The following SCFD2 variants were observed in gnomAD, a reference collection of about 807,000 sequenced individuals.
SCFD2 encodes sec1 family domain-containing protein 2.
Under a neutral mutation model 58.9 loss-of-function variants are expected in SCFD2, and 54 were observed. The ratio of observed to expected loss-of-function variants is 0.92; its 90% CI spans 0.74 to 1.15. The LOEUF (loss-of-function observed/expected upper bound fraction) is 1.15. Among genes scored for constraint, SCFD2 ranks in the 50% most tolerant of loss-of-function variants. The pLI is 0.00. For missense variants in SCFD2, 805 were observed against 836.6 expected, an observed-to-expected ratio of 0.96 and a Z score of 0.47; for synonymous variants, 321 against 335.9, an observed-to-expected ratio of 0.96 and a Z score of 0.49.
chr4:53,045,188 T>C (rs1035406162), intron 5 of SCFD2, among the ~76,000 whole-genome samples: 2 of 152,204 alleles, frequency 1.3e-5, no homozygotes, highest in African/African-American at 4.8e-5. Flanking sequence ...TATAGGATTT[T>C]ACTGTTTCCT....
At chr4:53,031,550 C>T (rs569296901) in intron 5 of SCFD2, among the ~76,000 whole-genome samples, 2 of 152,218 alleles carry the variant, frequency 1.3e-5, no homozygotes, top group South Asian at 2.1e-4. Flanking sequence ...AAAGTTTAGA[C>T]GAACTGCCCA....
chr4:52,896,942 C>A (rs1719031449), intron 7 of SCFD2, among the ~76,000 whole-genome samples: 1 of 152,100 alleles, frequency 6.6e-6, no homozygotes, highest in Admixed American at 6.6e-5. Flanking sequence ...GGAGTTCACT[C>A]ATGATTTGGC....
chr4:52,882,133 G>C (rs1718629314), intron 8 of SCFD2, among the ~76,000 whole-genome samples: 1 of 152,156 alleles, frequency 6.6e-6, no homozygotes, highest in African/African-American at 2.4e-5. Context: ...GAGGAGAGCT[G>C]CAACATCGTC....
At chr4:53,246,721 G>A (rs1387721387) in intron 4 of SCFD2, among the ~76,000 whole-genome samples, 1 of 152,098 alleles carries the variant, frequency 6.6e-6, no homozygotes, top group African/African-American at 2.4e-5. Flanking sequence ...TTAATTGAAT[G>A]TAAAACCTAA....
Position 53,365,288 on chromosome 4 carries a change from G to A in SCFD2, c.654C>T (p.Cys218=), listed in dbSNP as rs776952392. Reference sequence around the variant, plus strand: ...ACAGAGAACTGAGGCCTGACACTAGGCATCTGATCTGCAGCAGCAGCTCTG... The same window carrying A: ...ACAGAGAACTGAGGCCTGACACTAGACATCTGATCTGCAGCAGCAGCTCTG... ...LTPELLLQIR[C]LVSGLSSLCE... is the part of the protein sequence containing the mutation. The change falls in exon 1 of 9, where the codon TGC becomes TGT. Residue 218 remains cysteine (C), a synonymous_variant. Transcript: ENST00000401642. The surrounding 1 kb of genome is among the most constrained non-coding windows in gnomAD (Gnocchi z 4.3). 6.2e-7 allele frequency: 1 copy of A among 1,614,180 alleles called. No homozygotes were observed. The highest frequency in any genetic ancestry group is 2.2e-5 in the East Asian group (1 of 44,882).
chr4:53,177,083 T>G (rs1380813117), intron 4 of SCFD2, among the ~76,000 whole-genome samples: 1 of 152,262 alleles, frequency 6.6e-6, no homozygotes, highest in Non-Finnish European at 1.5e-5. Flanking sequence ...CTTCTTCCTC[T>G]TCCTTTTCTT....
At chr4:53,039,894 C>A (rs1178222286) in intron 5 of SCFD2, among the ~76,000 whole-genome samples, 1 of 152,148 alleles carries the variant, frequency 6.6e-6, no homozygotes, top group African/African-American at 2.4e-5. Flanking sequence ...TGCCTCTATG[C>A]TGACTTCATT....
intron 4 of SCFD2, among the ~76,000 whole-genome samples, chr4:53,268,827 G>A (rs1431977355): frequency 6.6e-6 from 1 of 152,196 alleles, no homozygotes; most frequent in South Asian, 2.1e-4. Context: ...GGAGCAGGAA[G>A]GGAGAGCCCA....
At chr4:52,896,248 C>T (rs1462401683) in intron 7 of SCFD2, among the ~76,000 whole-genome samples, 5 of 152,154 alleles carry the variant, frequency 3.3e-5, no homozygotes, top group Non-Finnish European at 7.3e-5. Flanking sequence ...ATGCCTATGT[C>T]CTGAATGGTA....
intron 7 of SCFD2, among the ~76,000 whole-genome samples, chr4:52,897,998 G>A (rs1454328000): frequency 3.9e-5 from 6 of 152,136 alleles, no homozygotes; most frequent in Admixed American, 2.0e-4. Flanking sequence ...GATTGGTGGT[G>A]ATATCCCCTT....
intron 5 of SCFD2, among the ~76,000 whole-genome samples, chr4:52,955,141 A>G (rs1467103810): frequency 6.6e-6 from 1 of 152,206 alleles, no homozygotes; most frequent in Non-Finnish European, 1.5e-5. Flanking sequence ...ACAGGGGCTC[A>G]GCTGTCCACA....
Position 52,907,585 on chromosome 4 carries a change from A to G in SCFD2, c.1714T>C (p.Tyr572His). 1 of 1,614,052 alleles carries G rather than the reference A, an allele frequency of 6.2e-7. No individual in the cohort carries two copies. Among genetic ancestry groups the G allele is most frequent in the South Asian group, 1.1e-5 (1 of 91,072 alleles). Residue 572 changes from tyrosine to histidine, a missense_variant, in exon 7 of 9, where the codon TAT becomes CAT. Coordinates refer to ENST00000401642, the MANE Select transcript of SCFD2 (RefSeq NM_152540.4). ...VPGNHTHQAS[Y>H]KPLLKQVVEE... ...ACAACTTGCTTCAACAATGGCTTAT[A>G]AGATGCCTGGAAAGACAAAATACTA...
At chr4:53,253,895 A>G (rs1366298699) in intron 4 of SCFD2, among the ~76,000 whole-genome samples, 1 of 150,526 alleles carries the variant, frequency 6.6e-6, no homozygotes, top group Non-Finnish European at 1.5e-5. Context: ...ATAATTATAA[A>G]AAAAAAAAAA....
At chr4:52,931,247 T>C (rs930037896) in intron 5 of SCFD2, among the ~76,000 whole-genome samples, 1 of 152,230 alleles carries the variant, frequency 6.6e-6, no homozygotes, top group Admixed American at 6.5e-5. Context: ...TTTCTGGTGG[T>C]TCTGAATAGC....
intron 4 of SCFD2, among the ~76,000 whole-genome samples, chr4:53,182,616 T>C (rs543251160): frequency 8.6e-5 from 13 of 151,696 alleles, no homozygotes; most frequent in African/African-American, 1.5e-4. Flanking sequence ...GTCTAAAACA[T>C]CGAAAGCAAT....
At chr4:53,222,572 C>T (rs555413897) in intron 4 of SCFD2, among the ~76,000 whole-genome samples, 9 of 152,042 alleles carry the variant, frequency 5.9e-5, no homozygotes, top group Non-Finnish European at 1.0e-4. Flanking sequence ...GAAAACAAGA[C>T]GGGACTTCAA....
intron 4 of SCFD2, among the ~76,000 whole-genome samples, chr4:53,269,763 A>G (rs1395670908): frequency 6.6e-6 from 1 of 152,250 alleles, no homozygotes; most frequent in African/African-American, 2.4e-5. Flanking sequence ...GCAGTGGCTC[A>G]TGCCTGTAAT....
intron 5 of SCFD2, among the ~76,000 whole-genome samples, chr4:52,969,904 T>C (rs1215761993): frequency 1.3e-5 from 2 of 152,218 alleles, no homozygotes; most frequent in Non-Finnish European, 2.9e-5. Context: ...GAAGACAACA[T>C]GCAAAAATGA....
intron 7 of SCFD2, among the ~76,000 whole-genome samples, chr4:52,905,629 C>G (rs1489661261): frequency 1.3e-5 from 2 of 152,168 alleles, no homozygotes; most frequent in Non-Finnish European, 2.9e-5. Context: ...GCTGGCAGAG[C>G]ATTTTGTCAC....
Sources: allele counts gnomAD v4.1 joint callset (sites outside exome capture counted in the v4.1 genomes callset), GRCh38; gene constraint gnomAD v4.1.1; non-coding constraint Gnocchi (gnomAD v3.1); transcripts MANE v1.5; gene names NCBI Gene and HGNC (gene_info 2026-07-23, HGNC 2026-07-21).